Variants in SYT16 observed in about 807,000 individuals in gnomAD.
The protein encoded by SYT16 is synaptotagmin-16.
Under a neutral mutation model 61.4 loss-of-function variants are expected in SYT16, and 42 were observed. The ratio of observed to expected loss-of-function variants is 0.68; its 90% CI spans 0.53 to 0.89. The LOEUF (loss-of-function observed/expected upper bound fraction) is 0.89, where lower values mean the gene tolerates loss of function less well. Among genes scored for constraint, SYT16 ranks in the 40% least tolerant of loss-of-function variants. The probability of loss-of-function intolerance (pLI) is 0.00; values close to 1 mark genes in which losing one functional copy is unlikely to be tolerated. For synonymous variants in SYT16, 314 were observed against 302.3 expected, an observed-to-expected ratio of 1.04 and a Z score of -0.40; for missense variants, 804 against 807.3, an observed-to-expected ratio of 1.00 and a Z score of 0.05.
At chr14:61,968,315 AAAG>A (rs1242483062) in intron 1 of SYT16, among the ~76,000 whole-genome samples, 2 of 152,112 alleles carry the variant, frequency 1.3e-5, no homozygotes, top group African/African-American at 4.8e-5. Context: ...TTGATTGTGG[AAAG>A]AAGAAGATAA....
chr14:62,056,812 A>T (rs766951768), intron 3 of SYT16, among the ~76,000 whole-genome samples: 1 of 152,200 alleles, frequency 6.6e-6, no homozygotes, highest in East Asian at 1.9e-4. Flanking sequence ...ACTGGAGGCA[A>T]TGAAGACACG....
chr14:61,815,841 C>A (rs528878564), intron 1 of SYT16, among the ~76,000 whole-genome samples: 2 of 152,044 alleles, frequency 1.3e-5, no homozygotes, highest in African/African-American at 2.4e-5. Flanking sequence ...AGTAGTGAAG[C>A]GCTATTTTAT....
chr14:61,856,592 C>T (rs1422862476), intron 1 of SYT16, among the ~76,000 whole-genome samples: 4 of 151,584 alleles, frequency 2.6e-5, no homozygotes, highest in Non-Finnish European at 4.4e-5. Flanking sequence ...CGGGTTTGGG[C>T]GGGTGAGGGT....
In SYT16 at chr14:61,918,411, A is replaced by C. The variant is rs2140398487; in HGVS notation, c.-324-51721A>C. Among the ~76,000 whole-genome samples, 3 of 152,270 alleles carry C rather than the reference A, an allele frequency of 2.0e-5. No homozygotes were observed. The South Asian group carries it at 6.2e-4, about 32-fold the overall frequency. ...AGCCAACAGGTGGTGATGGCTGCAA[A>C]CACCTGGAAGAAAAGAGGGGAAATA... On this transcript the variant is annotated intron_variant, in intron 1 of 7. Coordinates refer to ENST00000683842, the MANE Select transcript of SYT16 (RefSeq NM_001367656.1).
At chr14:62,112,685 G>GCAGA (rs1439151402), downstream of SYT16, 1 of 152,024 alleles carries the variant, frequency 6.6e-6, no homozygotes, top group African/African-American at 2.4e-5. Context: ...CATACCAACT[G>GCAGA]CAGACATATA....
chr14:62,069,187 A>C (rs1168985120), intron 3 of SYT16, among the ~76,000 whole-genome samples: 1 of 152,238 alleles, frequency 6.6e-6, no homozygotes, highest in African/African-American at 2.4e-5. Flanking sequence ...TGTGTGTTTT[A>C]ATAAATGAGA....
chr14:62,035,733 A>G (rs928138819), intron 3 of SYT16, among the ~76,000 whole-genome samples: 3 of 152,198 alleles, frequency 2.0e-5, no homozygotes, highest in East Asian at 1.9e-4. Context: ...TCTGAATTTC[A>G]TGTATATCTG....
intron 2 of SYT16, among the ~76,000 whole-genome samples, chr14:61,992,805 T>C (rs1311975064): frequency 1.3e-5 from 2 of 152,098 alleles, no homozygotes; most frequent in Non-Finnish European, 2.9e-5. Context: ...GTGAAGATTA[T>C]ATAGAGTTGG....
At chr14:62,098,684 G>A (rs193233389) in intron 7 of SYT16, among the ~76,000 whole-genome samples, 284 of 152,294 alleles carry the variant, frequency 1.9e-3, no homozygotes, top group Middle Eastern at 6.8e-3. Flanking sequence ...TGGTAGTCAC[G>A]AGCTAAGCAT....
At chr14:62,004,248 G>C (rs936596812) in intron 3 of SYT16, among the ~76,000 whole-genome samples, 24 of 152,140 alleles carry the variant, frequency 1.6e-4, no homozygotes, top group Non-Finnish European at 2.6e-4. Context: ...GAGACAGAGA[G>C]ACAGAGAGAG....
At chr14:61,969,770 A>C (rs555343524) in intron 1 of SYT16, among the ~76,000 whole-genome samples, 2 of 152,326 alleles carry the variant, frequency 1.3e-5, no homozygotes, top group African/African-American at 4.8e-5. Context: ...ACACTGGTCA[A>C]CCATGTCCAG....
Position 62,100,536 on chromosome 14 carries a change from C to T in SYT16, c.1767C>T (p.Val589=), listed in dbSNP as rs1393297138. Residue 589 remains valine, a synonymous_variant, in exon 8 of 8, where the codon GTC becomes GTT. Transcript: ENST00000683842. ...FQVALFQLSD[V]TLMISVYNRR... is the part of the protein sequence containing the mutation. ...TGGCCCTCTTTCAGCTGTCTGATGT[C>T]ACGTTGATGATTTCCGTTTATAACA... is the stretch of plus-strand genomic sequence containing the variant. 1 of 1,613,816 alleles carries T rather than the reference C, an allele frequency of 6.2e-7. No individual in the cohort carries two copies. The highest frequency in any genetic ancestry group is 8.5e-7 in the Non-Finnish European group (1 of 1,179,830).
intron 1 of SYT16, among the ~76,000 whole-genome samples, chr14:61,910,399 C>T (rs746601916): frequency 2.6e-5 from 4 of 151,440 alleles, no homozygotes; most frequent in Admixed American, 1.3e-4. Context: ...CCACCATGCC[C>T]GGCTAATTTT....
chr14:61,964,898 C>CT (rs377488291), intron 1 of SYT16, among the ~76,000 whole-genome samples: 6,941 of 143,262 alleles, frequency 0.048, 194 homozygotes, highest in African/African-American at 0.084. Flanking sequence ...TGATTTTTAG[C>CT]TTTTTTTTTT....
chr14:61,823,483 C>A (rs1052461084), intron 1 of SYT16, among the ~76,000 whole-genome samples: 1 of 147,208 alleles, frequency 6.8e-6, no homozygotes, highest in Admixed American at 7.1e-5. Flanking sequence ...AATCCCAGCA[C>A]TTTGGGAGGC....
intron 2 of SYT16, among the ~76,000 whole-genome samples, chr14:61,980,722 A>G (rs914006679): frequency 6.6e-6 from 1 of 152,224 alleles, no homozygotes; most frequent in Admixed American, 6.5e-5. Context: ...GAAGACAGGG[A>G]AAAACAAAAC....
At chr14:62,092,547 T>G (rs965911625) in intron 7 of SYT16, among the ~76,000 whole-genome samples, 13 of 151,572 alleles carry the variant, frequency 8.6e-5, no homozygotes, top group Non-Finnish European at 1.9e-4. Flanking sequence ...TATTCAACCT[T>G]AAAAAGGAAA....
chr14:61,967,364 G>A (rs2051356578), intron 1 of SYT16, among the ~76,000 whole-genome samples: 1 of 152,154 alleles, frequency 6.6e-6, no homozygotes, highest in African/African-American at 2.4e-5. Flanking sequence ...GTTTCCTAGG[G>A]TTGTTATTGC....
intron 1 of SYT16, among the ~76,000 whole-genome samples, chr14:61,842,243 T>G (rs1365677890): frequency 6.6e-6 from 1 of 152,230 alleles, no homozygotes; most frequent in African/African-American, 2.4e-5. Flanking sequence ...GTAGTTACCC[T>G]GTTGTGCTAG....
Sources: gnomAD v4.1 joint callset for allele counts (sites outside exome capture counted in the v4.1 genomes callset) on GRCh38, gnomAD v4.1.1 for gene constraint, MANE v1.5 for transcripts, NCBI Gene and HGNC (gene_info 2026-07-23, HGNC 2026-07-21) for gene names.